HIF3A: variants seen among roughly 807,000 people sequenced by gnomAD.
HIF3A encodes hypoxia-inducible factor 3-alpha.
Under a neutral mutation model 67.2 loss-of-function variants are expected in HIF3A, and 41 were observed. That is an observed-to-expected ratio of 0.61 (90% confidence interval 0.48 to 0.79). The LOEUF (loss-of-function observed/expected upper bound fraction) is 0.79. Among genes scored for constraint, HIF3A ranks in the 30% least tolerant of loss-of-function variants. The pLI is 0.00. For synonymous variants in HIF3A, 356 were observed against 374.8 expected, an observed-to-expected ratio of 0.95 and a Z score of 0.58; for missense variants, 855 against 898.0, an observed-to-expected ratio of 0.95 and a Z score of 0.61.
chr19:46,316,802 C>CAAA (rs35910734), intron 8 of HIF3A, among the ~76,000 whole-genome samples: 1 of 120,512 alleles, frequency 8.3e-6, no homozygotes. Flanking sequence ...GACTCCATCT[C>CAAA]AAAAAAAAAA....
Position 46,341,833 on chromosome 19 carries a change from G to A in HIF3A, c.*2211G>A, listed in dbSNP as rs934539599. 4.0e-5 allele frequency: 6 copies of A among 150,788 alleles called. No homozygotes were observed. The highest frequency in any genetic ancestry group is 7.3e-5 in the African/African-American group (3 of 40,966). 9.3% of individuals were successfully genotyped at this position (150,788 alleles called of 1,614,324 possible). A position where few individuals can be genotyped will look rare whatever the true frequency, so the allele number is the denominator to read the frequency against. ...CCTTTGTGTATTTTTTAGTAGAGAC[G>A]GGGTTTTGCCAAGTTGGAGGGGCTG... On this transcript the variant is annotated 3_prime_UTR_variant, in exon 15 of 15. Transcript: ENST00000377670.
chr19:46,309,351 T>C lies in HIF3A; in HGVS notation c.762T>C (p.Cys254=). 6.2e-7 allele frequency: 1 copy of C among 1,604,018 alleles called. No individual in the cohort carries two copies. The highest frequency in any genetic ancestry group is 8.5e-7 in the Non-Finnish European group (1 of 1,174,972). The part of the protein sequence containing the change: ...RHSLDMKFTY[C]DDRIAEVAGY... ...GCCTGGACATGAAGTTCACCTACTG[T>C]GACGACAGGTGGGCAGGGGCCCCCT... The change falls in exon 6 of 15, where the codon TGT becomes TGC. Residue 254 remains cysteine (C), a synonymous_variant. Coordinates refer to ENST00000377670, the MANE Select transcript of HIF3A (RefSeq NM_152795.4).
rs532608808 is a variant in HIF3A, at chr19:46,319,905, G to A, written c.1026-538G>A. ...CTTTCCTTTTACAGAAGGAGCTTGG[G>A]AAGGGACAAACTTAACTTTCTTTTA... On this transcript the variant is annotated intron_variant, in intron 8 of 14. Coordinates refer to ENST00000377670, the MANE Select transcript of HIF3A (RefSeq NM_152795.4). 2.0e-5 allele frequency among the ~76,000 whole-genome samples: 3 copies of A among 152,212 alleles called. No homozygotes were observed. The East Asian group carries it at 5.8e-4, about 29-fold the overall frequency.
chr19:46,301,080 A>G (rs1354911663), intron 1 of HIF3A, among the ~76,000 whole-genome samples: 1 of 152,066 alleles, frequency 6.6e-6, no homozygotes, highest in Non-Finnish European at 1.5e-5. Context: ...ATGTCCTCTC[A>G]GGCAGGCAGG....
At chr19:46,312,465 C>T (rs1264862830) in intron 7 of HIF3A, 41 bp from the exon 8 acceptor site, 3 of 1,610,006 alleles carry the variant, frequency 1.9e-6, no homozygotes, top group East Asian at 4.5e-5. Context: ...TCCCCATTTG[C>T]CCCCTTGGTG....
At chr19:46,338,079 T>C (rs1971755153) in intron 14 of HIF3A, 2 of 405,362 alleles carry the variant, frequency 4.9e-6, no homozygotes, top group South Asian at 1.8e-5. Context: ...CCTGATCCAA[T>C]TGGCGCTTCT....
chr19:46,320,891 C>T (rs1335154866), intron 9 of HIF3A, among the ~76,000 whole-genome samples: 1 of 152,198 alleles, frequency 6.6e-6, no homozygotes, highest in Non-Finnish European at 1.5e-5. Flanking sequence ...ACGCTTCTGC[C>T]TCTTCCCTGT....
chr19:46,331,013 T>C (rs1021907126), intron 12 of HIF3A, 143 bp from the exon 13 acceptor site: 44 of 526,590 alleles, frequency 8.4e-5, no homozygotes, highest in African/African-American at 5.3e-4. Flanking sequence ...GATTGGTGGA[T>C]GGATGGATGG....
At chr19:46,311,333 A>G (rs1449486442) in intron 6 of HIF3A, among the ~76,000 whole-genome samples, 1 of 152,190 alleles carries the variant, frequency 6.6e-6, no homozygotes, top group African/African-American at 2.4e-5. Flanking sequence ...GCTCACGCCT[A>G]TAAACCTAGC....
rs760114983 is a variant in HIF3A, at chr19:46,312,246, G to A, written c.856G>A (p.Val286Ile). The A allele has an allele frequency of 1.2e-6, 2 of 1,613,934 alleles. No individual in the cohort carries two copies. The highest frequency in any genetic ancestry group is 1.7e-6 in the Non-Finnish European group (2 of 1,179,966). ...CATCCACGCGCTGGACTCCGATGCG[G>A]TCAGCAAGAGCATCCACACCTGTAT... ...EYIHALDSDAVSKSIHTLLSK... is the reference protein window; with the variant it reads ...EYIHALDSDAISKSIHTLLSK... Residue 286 changes from valine (V) to isoleucine (I), a missense_variant, in exon 7 of 15, where the codon GTC (valine) becomes ATC (isoleucine). Coordinates refer to ENST00000377670, the MANE Select transcript of HIF3A (RefSeq NM_152795.4).
In HIF3A at chr19:46,314,032, G is replaced by GTTT. The variant is rs1286428567; in HGVS notation, c.1025+1379_1025+1380insTTT. Among the ~76,000 whole-genome samples the GTTT allele has an allele frequency of 2.6e-3, 390 of 150,590 alleles. 3 individuals carry two copies. Among genetic ancestry groups the GTTT allele is most frequent in the East Asian group, 8.6e-3 (44 of 5,124 alleles). On this transcript the variant is annotated intron_variant, in intron 8 of 14. Coordinates refer to ENST00000377670, the MANE Select transcript of HIF3A (RefSeq NM_152795.4). ...TATTCCATGGTATGAATAGAGCACA[G>GTTT]GTTTTTTTTTTATCCATTCACCAGT... is the stretch of plus-strand genomic sequence containing the variant.
chr19:46,312,834 T>G (rs1437775996), intron 8 of HIF3A, 181 bp downstream of exon 8: 16 of 1,324,584 alleles, frequency 1.2e-5, no homozygotes, highest in African/African-American at 3.1e-5. Context: ...AATGCCGGTG[T>G]GTGTGTCTGC....
chr19:46,329,583 T>G (rs1971038962), intron 12 of HIF3A, 105 bp downstream of exon 12: 10 of 1,314,178 alleles, frequency 7.6e-6, no homozygotes, highest in Non-Finnish European at 8.9e-6. Flanking sequence ...AACCCTGATC[T>G]CTGCTCCAGC....
At chr19:46,333,284 T>C (rs1411676518) in intron 13 of HIF3A, among the ~76,000 whole-genome samples, 1 of 152,094 alleles carries the variant, frequency 6.6e-6, no homozygotes, top group Non-Finnish European at 1.5e-5. Flanking sequence ...ATAACAGGAC[T>C]GTTGAAAAAG....
At position 46,310,527 on chromosome 19, in the gene HIF3A, TG is replaced by T. The variant is rs761624422; in HGVS notation, c.770+1170del. The T allele has an allele frequency of 8.9e-6, 4 of 449,982 alleles. No individual in the cohort carries two copies. In the Middle Eastern group the frequency reaches 9.8e-4, roughly 111 times the overall value. 27.9% of individuals were successfully genotyped at this position (449,982 alleles called of 1,614,324 possible). ...CCTTCTTCTGTCTTATCCCTCGCCC[TG>T]GTGTCATGCTTAGGAATGGTGACTC... On this transcript the variant is annotated intron_variant, in intron 6 of 14. Coordinates refer to ENST00000377670, the MANE Select transcript of HIF3A (RefSeq NM_152795.4).
chr19:46,307,238 T>C (rs1178180840), intron 3 of HIF3A, among the ~76,000 whole-genome samples: 3 of 152,212 alleles, frequency 2.0e-5, no homozygotes, highest in Non-Finnish European at 4.4e-5. Context: ...TTTCATTCAC[T>C]GTCTGTCTCA....
intron 10 of HIF3A, among the ~76,000 whole-genome samples, chr19:46,322,257 C>T (rs979457593): frequency 3.9e-5 from 6 of 152,004 alleles, no homozygotes; most frequent in African/African-American, 1.5e-4. Context: ...CTTCTGTGAC[C>T]AAATGTGGGC....
At chr19:46,313,796 G>C (rs1009646520) in intron 8 of HIF3A, among the ~76,000 whole-genome samples, 13 of 151,460 alleles carry the variant, frequency 8.6e-5, no homozygotes, top group African/African-American at 3.2e-4. Context: ...CTCCCGACTA[G>C]CTGGGATTAC....
intron 11 of HIF3A, among the ~76,000 whole-genome samples, chr19:46,325,900 G>A (rs1970748838): frequency 1.3e-5 from 2 of 152,206 alleles, no homozygotes; most frequent in African/African-American, 4.8e-5. Flanking sequence ...GGTGATACTT[G>A]GATGGATGAT....
Sources: allele counts gnomAD v4.1 joint callset (sites outside exome capture counted in the v4.1 genomes callset), GRCh38; gene constraint gnomAD v4.1.1; transcripts MANE v1.5; gene names NCBI Gene and HGNC (gene_info 2026-07-23, HGNC 2026-07-21).